Variants in LMF1 observed in about 807,000 individuals in gnomAD.
LMF1 encodes transmembrane protein 112.
LMF1 carries 68 observed loss-of-function variants against 60.6 expected under a neutral mutation model. The ratio of observed to expected loss-of-function variants is 1.12; its 90% CI spans 0.92 to 1.37. The LOEUF (loss-of-function observed/expected upper bound fraction) is 1.37. Among genes scored for constraint, LMF1 ranks in the 40% most tolerant of loss-of-function variants. The pLI is 0.00. For synonymous variants in LMF1, 418 were observed against 324.7 expected (o/e 1.29, Z -3.09); for missense variants, 948 against 767.2 (o/e 1.24, Z -2.78).
chr16:971,013 C>T (rs751617956), upstream of LMF1: 1 of 610,916 alleles, frequency 1.6e-6, no homozygotes, highest in Non-Finnish European at 2.0e-6. Context: ...GAGGCCCCGC[C>T]CATTCTCGGA....
chr16:861,471 C>T (rs1159454406), intron 10 of LMF1, among the ~76,000 whole-genome samples: 8 of 151,244 alleles, frequency 5.3e-5, no homozygotes, highest in Admixed American at 4.0e-4. Flanking sequence ...AATTCTCCTA[C>T]CTCAGCCTCC....
At chr16:973,909 C>G (rs1190194160), upstream of LMF1, among the ~76,000 whole-genome samples, 1 of 151,514 alleles carries the variant, frequency 6.6e-6, no homozygotes, top group Non-Finnish European at 1.5e-5. Flanking sequence ...ACTCGGGAGG[C>G]TGAGGCAGGA....
At chr16:948,754 G>C (rs1417934051) in intron 2 of LMF1, among the ~76,000 whole-genome samples, 69 of 133,904 alleles carry the variant, frequency 5.2e-4, no homozygotes, top group Middle Eastern at 8.8e-3. Context: ...GACAGAGTCA[G>C]AGCCAACGAC....
At chr16:978,208 C>T (rs1162516455) in intron 1 of LMF1, among the ~76,000 whole-genome samples, 1 of 151,206 alleles carries the variant, frequency 6.6e-6, no homozygotes, top group Non-Finnish European at 1.5e-5. Context: ...TCACACACAT[C>T]ATACACATAC....
chr16:914,724 A>T (rs1596983989), intron 3 of LMF1, among the ~76,000 whole-genome samples: 1 of 1,190 alleles, frequency 8.4e-4, no homozygotes, highest in Non-Finnish European at 1.8e-3. Flanking sequence ...CATTGGTGAC[A>T]CTCTCCCTCC....
intron 10 of LMF1, among the ~76,000 whole-genome samples, chr16:866,494 G>A (rs1433088802): frequency 6.6e-6 from 1 of 152,160 alleles, no homozygotes; most frequent in Non-Finnish European, 1.5e-5. Flanking sequence ...CTTCAGTACT[G>A]CCAGGGGTTG....
intron 3 of LMF1, among the ~76,000 whole-genome samples, chr16:912,293 T>C (rs1045774770): frequency 1.3e-5 from 2 of 151,020 alleles, no homozygotes; most frequent in African/African-American, 4.9e-5. Context: ...GACGGAGGCT[T>C]GTGGGGGCAG....
chr16:932,132 C>T (rs1014172118), intron 3 of LMF1, among the ~76,000 whole-genome samples: 5 of 152,252 alleles, frequency 3.3e-5, no homozygotes, highest in African/African-American at 4.8e-5. Flanking sequence ...CTGCCTCTGC[C>T]GCTCCAGCAC....
Position 894,189 on chromosome 16 carries a change from G to A in LMF1, c.664-1117C>T, listed in dbSNP as rs373842761. 7.7e-3 allele frequency among the ~76,000 whole-genome samples: 82 copies of A among 10,702 alleles called. 11 individuals carry two copies. The highest frequency in any genetic ancestry group is 0.024 in the African/African-American group (37 of 1,524). 7.0% of individuals were successfully genotyped at this position (10,702 alleles called of 152,430 possible). On this transcript the variant is annotated intron_variant, in intron 4 of 10. Transcript: ENST00000262301. ...CACCCGTCCCCCTGTCCACTGGACTGTCCGCCCACCCGTCCCCCTGTCCAC... is the reference window on the plus strand; with the variant it reads ...CACCCGTCCCCCTGTCCACTGGACTATCCGCCCACCCGTCCCCCTGTCCAC...
At chr16:940,825 G>A (rs114469726) in intron 2 of LMF1, among the ~76,000 whole-genome samples, 330 of 152,270 alleles carry the variant, frequency 2.2e-3, no homozygotes, top group African/African-American at 6.5e-3. Context: ...CGATAGTGCC[G>A]TTCTGATCTT....
Position 854,673 on chromosome 16 carries a change from G to T in LMF1, c.1563C>A (p.Phe521Leu). 6.2e-7 allele frequency: 1 copy of T among 1,602,940 alleles called. No individual in the cohort carries two copies. The highest frequency in any genetic ancestry group is 1.1e-5 in the South Asian group (1 of 89,898). Residue 521 changes from phenylalanine (F) to leucine (L), a missense_variant, in exon 11 of 11, where the codon TTC (phenylalanine) becomes TTA (leucine). Physicochemically the swap from Phe to Leu is conservative, Grantham distance 22. Transcript: ENST00000262301. ...WVRGEHYRYK[F>L]SRPGGRHAAE... ...CGGCGTGCCTGCCCCCAGGACGGCTGAACTTGTACCTGTAGTGCTCTCCTC... is the reference window on the plus strand; with the variant it reads ...CGGCGTGCCTGCCCCCAGGACGGCTTAACTTGTACCTGTAGTGCTCTCCTC...
chr16:950,013 C>G (rs1437857056), intron 2 of LMF1, among the ~76,000 whole-genome samples: 10 of 132,682 alleles, frequency 7.5e-5, no homozygotes, highest in Admixed American at 7.6e-5. Context: ...AGAGTCAGAG[C>G]CAACGACAGA....
chr16:952,178 A>G (rs3852760), intron 2 of LMF1, among the ~76,000 whole-genome samples: 72,694 of 152,066 alleles, frequency 0.48, 19,086 homozygotes, highest in African/African-American at 0.7. Context: ...ATGAGGTGAC[A>G]CACTCAAGTG....
At chr16:952,316 C>CA (rs1555473484) in intron 2 of LMF1, among the ~76,000 whole-genome samples, 295 of 152,046 alleles carry the variant, frequency 1.9e-3, no homozygotes, top group Non-Finnish European at 3.4e-3. Context: ...GGACCCCCCC[C>CA]CACAGGTGCC....
At chr16:883,645 C>G (rs1207458059) in intron 5 of LMF1, 1 of 152,234 alleles carries the variant, frequency 6.6e-6, no homozygotes, top group South Asian at 2.1e-4. Flanking sequence ...TCCTCACATC[C>G]TGGAGAGGTA....
intron 4 of LMF1, among the ~76,000 whole-genome samples, chr16:893,949 A>G (rs1338224561): frequency 6.6e-6 from 1 of 151,916 alleles, no homozygotes; most frequent in Non-Finnish European, 1.5e-5. Flanking sequence ...TCTGCTGCAC[A>G]ACCACTCCCG....
intron 1 of LMF1, among the ~76,000 whole-genome samples, chr16:978,057 C>T (rs1286455226): frequency 2.0e-5 from 3 of 146,792 alleles, no homozygotes; most frequent in Non-Finnish European, 4.5e-5. Flanking sequence ...CACACAAACA[C>T]ACCCACACCC....
At chr16:910,507 C>T (rs2071080808) in intron 4 of LMF1, among the ~76,000 whole-genome samples, 1 of 152,188 alleles carries the variant, frequency 6.6e-6, no homozygotes. Context: ...ACCTCCCTCA[C>T]CCTTGAATAT....
intron 10 of LMF1, among the ~76,000 whole-genome samples, chr16:861,835 G>C (rs1048090500): frequency 3.3e-5 from 5 of 152,220 alleles, no homozygotes; most frequent in South Asian, 2.1e-4. Flanking sequence ...CCGATGGTTA[G>C]AGCAGACGTC....
Sources: gnomAD v4.1 joint callset for allele counts (sites outside exome capture counted in the v4.1 genomes callset) on GRCh38, gnomAD v4.1.1 for gene constraint, MANE v1.5 for transcripts, NCBI Gene and HGNC (gene_info 2026-07-23, HGNC 2026-07-21) for gene names.